TCF20: variants seen among roughly 807,000 people sequenced by gnomAD.
The protein encoded by TCF20 is SPRE-binding protein.
A neutral mutation model predicts 148.6 loss-of-function variants in TCF20; 3 were observed. The ratio of observed to expected loss-of-function variants is 0.02; its 90% CI spans 0.01 to 0.05. TCF20 has a LOEUF of 0.05. Ranked by LOEUF, TCF20 falls within the 10% of genes least tolerant of loss-of-function variation. The pLI, the probability that TCF20 is intolerant of heterozygous loss-of-function variation, is 1.00. For missense variants in TCF20, 2,350 were observed against 2,429.3 expected, an observed-to-expected ratio of 0.97 and a Z score of 0.69; for synonymous variants, 1,049 against 909.5, an observed-to-expected ratio of 1.15 and a Z score of -2.76.
intron 2 of TCF20, among the ~76,000 whole-genome samples, chr22:42,183,021 G>A (rs1485849966): frequency 6.6e-6 from 1 of 152,240 alleles, no homozygotes; most frequent in South Asian, 2.1e-4. Flanking sequence ...ACAGGCGTGA[G>A]CCACTGTGCT....
intron 1 of TCF20, among the ~76,000 whole-genome samples, chr22:42,323,914 G>A (rs1927792933): frequency 7.8e-6 from 1 of 128,534 alleles, no homozygotes; most frequent in Non-Finnish European, 1.7e-5. Context: ...GGTGGTGGTG[G>A]TGATGGAGGT....
intron 1 of TCF20, among the ~76,000 whole-genome samples, chr22:42,302,223 C>T (rs1348291548): frequency 4.6e-5 from 7 of 152,232 alleles, no homozygotes; most frequent in African/African-American, 1.7e-4. Flanking sequence ...AAACTGAGAC[C>T]GGGGCTCCCA....
chr22:42,188,863 C>A (rs1937185868), intron 2 of TCF20, among the ~76,000 whole-genome samples: 1 of 152,188 alleles, frequency 6.6e-6, no homozygotes, highest in Non-Finnish European at 1.5e-5. Flanking sequence ...ACAGAATGAT[C>A]TGGGGGTAAA....
intron 1 of TCF20, among the ~76,000 whole-genome samples, chr22:42,231,975 A>G (rs997261351): frequency 2.6e-5 from 4 of 152,160 alleles, no homozygotes; most frequent in African/African-American, 9.7e-5. Context: ...TAATAATATC[A>G]AAACAAGAAA....
In TCF20 at chr22:42,335,458, A is replaced by C. The variant is rs566252802; in HGVS notation, c.-37+8021T>G. Among the ~76,000 whole-genome samples, 14 of 152,194 alleles carry C rather than the reference A, an allele frequency of 9.2e-5. No individual in the cohort carries two copies. In the East Asian group the frequency reaches 2.1e-3, roughly 23 times the overall value. On this transcript the variant is annotated intron_variant, in intron 1 of 1. Transcript: ENST00000515426. ...TGAGAACCTGGTCTGCTTTATTCACAAATGTAGCTCTCCCCATCCCACCCC... is the reference window on the plus strand; with the variant it reads ...TGAGAACCTGGTCTGCTTTATTCACCAATGTAGCTCTCCCCATCCCACCCC...
chr22:42,312,695 C>A (rs1174655129), intron 1 of TCF20, among the ~76,000 whole-genome samples: 1 of 152,130 alleles, frequency 6.6e-6, no homozygotes, highest in Non-Finnish European at 1.5e-5. Context: ...GTCCCGGTCA[C>A]CCCCCATCCC....
At chr22:42,224,887 G>A (rs540377043) in intron 1 of TCF20, among the ~76,000 whole-genome samples, 1 of 152,126 alleles carries the variant, frequency 6.6e-6, no homozygotes, top group South Asian at 2.1e-4. Flanking sequence ...AGGCCAAAGG[G>A]AATAATGGAG....
At chr22:42,304,143 C>A (rs1927390823) in intron 1 of TCF20, among the ~76,000 whole-genome samples, 1 of 152,112 alleles carries the variant, frequency 6.6e-6, no homozygotes, top group Admixed American at 6.5e-5. Flanking sequence ...CTGTGCCCCA[C>A]CCCCTCCCAC....
At position 42,299,123 on chromosome 22, in the gene TCF20, G is replaced by A. The variant is rs1927286345; in HGVS notation, c.-37+44356C>T. ...TGGAGGGGAACGGAGACCTGGAGGG[G>A]TACCCCCAAAAATCTGGACTTGGCC... On this transcript the variant is annotated intron_variant, in intron 1 of 1. Transcript: ENST00000515426. The surrounding 1 kb of genome is among the most constrained non-coding windows in gnomAD (Gnocchi z 4.1). Among the ~76,000 whole-genome samples, 1 of 152,208 alleles carries A rather than the reference G, an allele frequency of 6.6e-6. No individual in the cohort carries two copies. The highest frequency in any genetic ancestry group is 1.5e-5 in the Non-Finnish European group (1 of 68,030).
upstream of TCF20, among the ~76,000 whole-genome samples, chr22:42,275,425 C>T (rs1028632947): frequency 3.3e-5 from 5 of 152,218 alleles, no homozygotes; most frequent in Non-Finnish European, 4.4e-5. Context: ...GCAACCTGAG[C>T]GCACAGATCA....
At chr22:42,207,595 C>G (rs563420941) in intron 2 of TCF20, among the ~76,000 whole-genome samples, 46 of 151,842 alleles carry the variant, frequency 3.0e-4, no homozygotes, top group African/African-American at 1.1e-3. Flanking sequence ...GTGGGCGGAT[C>G]ACCTGAGGTC....
At chr22:42,179,820 G>C (rs187161368) in intron 2 of TCF20, 118 bp from the exon 3 acceptor site, 2 of 687,222 alleles carry the variant, frequency 2.9e-6, no homozygotes, top group Non-Finnish European at 5.2e-6. Context: ...AGAGGAGTCC[G>C]TGGTGGCAGG....
chr22:42,307,911 T>TC (rs1370812060), intron 1 of TCF20, among the ~76,000 whole-genome samples: 1 of 152,194 alleles, frequency 6.6e-6, no homozygotes, highest in African/African-American at 2.4e-5. Flanking sequence ...AAGACGAACT[T>TC]CGAGGCACTG....
chr22:42,180,936 CAGA>C (rs143564764), intron 2 of TCF20, among the ~76,000 whole-genome samples: 44 of 152,344 alleles, frequency 2.9e-4, no homozygotes, highest in African/African-American at 1.1e-3. Flanking sequence ...GCCCTGCTCT[CAGA>C]AGATCAAGGT....
intron 2 of TCF20, among the ~76,000 whole-genome samples, chr22:42,201,282 G>A (rs1937995474): frequency 6.6e-6 from 1 of 152,158 alleles, no homozygotes; most frequent in Non-Finnish European, 1.5e-5. Context: ...CCAGCCTCAG[G>A]TATTTCTTTA....
chr22:42,222,999 A>AT (rs1480186444), intron 1 of TCF20, among the ~76,000 whole-genome samples: 1 of 152,198 alleles, frequency 6.6e-6, no homozygotes, highest in South Asian at 2.1e-4. Flanking sequence ...ATACAAAAGA[A>AT]TTAGCTGGGT....
chr22:42,264,524 C>T (rs1397126245), intron 1 of TCF20, among the ~76,000 whole-genome samples: 2 of 152,212 alleles, frequency 1.3e-5, no homozygotes, highest in African/African-American at 4.8e-5. Context: ...CTTCAACCAG[C>T]CCACTTCCAT....
chr22:42,196,596 T>G (rs2147146111), intron 2 of TCF20, among the ~76,000 whole-genome samples: 1 of 152,334 alleles, frequency 6.6e-6, no homozygotes. Context: ...ACCAGAGGCC[T>G]TCACCTGACA....
chr22:42,293,633 A>G (rs1927173111), intron 1 of TCF20, among the ~76,000 whole-genome samples: 1 of 152,200 alleles, frequency 6.6e-6, no homozygotes, highest in Non-Finnish European at 1.5e-5. Context: ...CACCTTAACC[A>G]GCCCACTGGC....
Sources: allele counts gnomAD v4.1 joint callset (sites outside exome capture counted in the v4.1 genomes callset), GRCh38; gene constraint gnomAD v4.1.1; non-coding constraint Gnocchi (gnomAD v3.1); transcripts MANE v1.5; gene names NCBI Gene and HGNC (gene_info 2026-07-23, HGNC 2026-07-21).